CTNND2: variants seen among roughly 807,000 people sequenced by gnomAD.
CTNND2 encodes the protein catenin delta 2.
A neutral mutation model predicts 144.4 loss-of-function variants in CTNND2; 22 were observed. The ratio of observed to expected loss-of-function variants is 0.15; its 90% CI spans 0.11 to 0.22. The LOEUF (loss-of-function observed/expected upper bound fraction) is 0.22, where lower values mean the gene tolerates loss of function less well. Among genes scored for constraint, CTNND2 ranks in the 10% least tolerant of loss-of-function variants. CTNND2 has a pLI of 1.00. For missense variants in CTNND2, 1,353 were observed against 1,618.8 expected, an observed-to-expected ratio of 0.84 and a Z score of 2.82; for synonymous variants, 751 against 695.6, an observed-to-expected ratio of 1.08 and a Z score of -1.25.
At chr5:11,233,330 A>C (rs1023195213) in intron 10 of CTNND2, among the ~76,000 whole-genome samples, 1 of 152,204 alleles carries the variant, frequency 6.6e-6, no homozygotes, top group Non-Finnish European at 1.5e-5. Flanking sequence ...TATTATATGA[A>C]AACCGTACAA....
intron 3 of CTNND2, among the ~76,000 whole-genome samples, chr5:11,486,911 A>G (rs1167092623): frequency 6.6e-6 from 1 of 152,212 alleles, no homozygotes; most frequent in African/African-American, 2.4e-5. Context: ...TATAGTTTAT[A>G]TCACACATAG....
At chr5:11,381,868 A>G (rs1003072192) in intron 7 of CTNND2, among the ~76,000 whole-genome samples, 2 of 152,130 alleles carry the variant, frequency 1.3e-5, no homozygotes, top group Admixed American at 6.5e-5. Flanking sequence ...TCAGGAGGCT[A>G]AGGCAGGAGA....
chr5:11,122,772 G>A (rs1048089335), intron 12 of CTNND2, among the ~76,000 whole-genome samples: 2 of 151,968 alleles, frequency 1.3e-5, no homozygotes, highest in Non-Finnish European at 2.9e-5. Context: ...AACAGAACTA[G>A]GTTTAAGTGA....
intron 7 of CTNND2, among the ~76,000 whole-genome samples, chr5:11,377,934 G>A (rs189863512): frequency 6.2e-4 from 95 of 152,302 alleles, no homozygotes; most frequent in African/African-American, 2.1e-3. Context: ...TTCTGGACCC[G>A]TAGGCAGATG....
At chr5:11,128,981 ATATATAT>A (rs1755099726) in intron 12 of CTNND2, among the ~76,000 whole-genome samples, 1 of 32,102 alleles carries the variant, frequency 3.1e-5, no homozygotes, top group Non-Finnish European at 5.7e-5. Context: ...TAATATATAA[ATATATAT>A]AATATATAAT....
At chr5:11,766,808 C>A (rs6887388) in intron 1 of CTNND2, among the ~76,000 whole-genome samples, 14,474 of 152,122 alleles carry the variant, frequency 0.095, 1,860 homozygotes, top group African/African-American at 0.29. Flanking sequence ...CCTCTCCTCC[C>A]TCCTGACATA....
chr5:11,185,406 A>C (rs1330228229), intron 11 of CTNND2, among the ~76,000 whole-genome samples: 2 of 152,232 alleles, frequency 1.3e-5, no homozygotes, highest in African/African-American at 4.8e-5. Flanking sequence ...TCTATTGTGA[A>C]CTGGAGAAGA....
At chr5:11,199,831 C>T (rs1038480574) in intron 10 of CTNND2, among the ~76,000 whole-genome samples, 170 bp from the exon 11 acceptor site, 13 of 152,164 alleles carry the variant, frequency 8.5e-5, no homozygotes, top group Non-Finnish European at 1.2e-4. Flanking sequence ...ATTTGATTGC[C>T]GGTATTTGCT....
chr5:10,989,592 C>T (rs1330396891), intron 19 of CTNND2, among the ~76,000 whole-genome samples: 1 of 152,206 alleles, frequency 6.6e-6, no homozygotes, highest in Non-Finnish European at 1.5e-5. Flanking sequence ...TCATTCACAC[C>T]CTCTGTAGGG....
rs566542235 is a variant in CTNND2 at position 11,610,770 on chromosome 5, G to C, written c.175-45714C>G. Among the ~76,000 whole-genome samples, 5 of 152,292 alleles carry C rather than the reference G, an allele frequency of 3.3e-5. No homozygotes were observed. The South Asian group carries it at 1.0e-3, about 32-fold the overall frequency. Reference sequence around the variant, plus strand: ...GCTATCAATGACATATTAGAGGTTTGTCTACACTGTTGTCTTGATGGATGA... The same window carrying C: ...GCTATCAATGACATATTAGAGGTTTCTCTACACTGTTGTCTTGATGGATGA... On this transcript the variant is annotated intron_variant, in intron 2 of 21. Coordinates refer to ENST00000304623, the MANE Select transcript of CTNND2 (RefSeq NM_001332.4).
chr5:11,233,229 G>T (rs1309077765), intron 10 of CTNND2, among the ~76,000 whole-genome samples: 1 of 152,086 alleles, frequency 6.6e-6, no homozygotes, highest in Non-Finnish European at 1.5e-5. Flanking sequence ...CAGGGATGAG[G>T]ATTTTATCTG....
At chr5:11,742,232 G>C (rs1176742533) in intron 1 of CTNND2, among the ~76,000 whole-genome samples, 1 of 152,082 alleles carries the variant, frequency 6.6e-6, no homozygotes, top group Non-Finnish European at 1.5e-5. Context: ...TCTAAACATT[G>C]CTTGTCAAAT....
At chr5:11,163,603 A>G (rs1374366908) in intron 11 of CTNND2, among the ~76,000 whole-genome samples, 2 of 151,956 alleles carry the variant, frequency 1.3e-5, no homozygotes, top group Non-Finnish European at 2.9e-5. Context: ...TCACTTTCCT[A>G]TCCCTTTGCC....
At chr5:11,266,575 G>C (rs1044526870) in intron 9 of CTNND2, among the ~76,000 whole-genome samples, 1 of 152,160 alleles carries the variant, frequency 6.6e-6, no homozygotes, top group African/African-American at 2.4e-5. Context: ...GGGAGGGTTC[G>C]CTTGGGAGAG....
chr5:11,540,618 G>C (rs1002145557), intron 3 of CTNND2, among the ~76,000 whole-genome samples: 5 of 152,102 alleles, frequency 3.3e-5, no homozygotes, highest in African/African-American at 1.2e-4. Context: ...CTGGGTTCAA[G>C]CCGGGCTCAG....
At chr5:11,319,906 T>C (rs562454369) in intron 9 of CTNND2, among the ~76,000 whole-genome samples, 6 of 152,232 alleles carry the variant, frequency 3.9e-5, no homozygotes, top group Non-Finnish European at 8.8e-5. Context: ...TTTTAGCCTG[T>C]CATATTTTAG....
intron 2 of CTNND2, among the ~76,000 whole-genome samples, chr5:11,670,381 T>C (rs1478669939): frequency 1.3e-5 from 2 of 152,128 alleles, no homozygotes; most frequent in African/African-American, 4.8e-5. Context: ...TGTGTGGGAG[T>C]CTAAGTCTCT....
At chr5:11,175,124 T>TG (rs1760346561) in intron 11 of CTNND2, among the ~76,000 whole-genome samples, 5 of 151,202 alleles carry the variant, frequency 3.3e-5, no homozygotes, top group African/African-American at 9.9e-5. Context: ...AGATTGCTTC[T>TG]ATTTTTTTTT....
At chr5:11,226,151 TC>T (rs1415819253) in intron 10 of CTNND2, among the ~76,000 whole-genome samples, 4 of 152,186 alleles carry the variant, frequency 2.6e-5, no homozygotes, top group African/African-American at 9.7e-5. Flanking sequence ...TTGTTCCACA[TC>T]TCTCAGTTTG....
Sources: gnomAD v4.1 joint callset for allele counts (sites outside exome capture counted in the v4.1 genomes callset) on GRCh38, gnomAD v4.1.1 for gene constraint, MANE v1.5 for transcripts, NCBI Gene and HGNC (gene_info 2026-07-23, HGNC 2026-07-21) for gene names.